Variants in KIF26B observed in about 807,000 individuals in gnomAD.
The protein encoded by KIF26B is kinesin-like protein KIF26B.
Under a neutral mutation model 151.2 loss-of-function variants are expected in KIF26B, and 63 were observed. The ratio of observed to expected loss-of-function variants is 0.42; its 90% CI spans 0.34 to 0.51. KIF26B has a LOEUF of 0.51. KIF26B is among the 20% of genes least tolerant of loss of function. KIF26B has a pLI of 0.07. For synonymous variants in KIF26B, 1,357 were observed against 1,262.1 expected (o/e 1.08, Z -1.59); for missense variants, 2,813 against 2,913.6 (o/e 0.97, Z 0.79).
chr1:245,173,758 C>T (rs552230030), intron 2 of KIF26B, among the ~76,000 whole-genome samples: 1 of 152,200 alleles, frequency 6.6e-6, no homozygotes, highest in Non-Finnish European at 1.5e-5. Context: ...GAGTCCCCCC[C>T]ACCTTTTTCT....
chr1:245,267,512 G>T (rs1041285659), intron 2 of KIF26B, among the ~76,000 whole-genome samples: 1 of 151,908 alleles, frequency 6.6e-6, no homozygotes, highest in Non-Finnish European at 1.5e-5. Context: ...TCTTATTTTG[G>T]TGTGTGCAGA....
At chr1:245,179,561 G>C (rs911030753) in intron 2 of KIF26B, among the ~76,000 whole-genome samples, 3 of 152,136 alleles carry the variant, frequency 2.0e-5, no homozygotes, top group Non-Finnish European at 4.4e-5. Context: ...GGAGGTGGAG[G>C]TTGCAGTGAG....
At chr1:245,235,231 T>G (rs1419150980) in intron 2 of KIF26B, among the ~76,000 whole-genome samples, 1 of 152,154 alleles carries the variant, frequency 6.6e-6, no homozygotes, top group Non-Finnish European at 1.5e-5. Context: ...TAATTAAAGG[T>G]AGGTGTCCTT....
At position 245,624,186 on chromosome 1, in the gene KIF26B, T is replaced by TGAAA. The variant is rs549046653; in HGVS notation, c.2098+12211_2098+12214dup. ...TCTCAGGTAGTTATTTATAGCAGTA[T>TGAAA]GAAAACAGTCTAATATATATATGGA... On this transcript the variant is annotated intron_variant, in intron 9 of 14. Coordinates refer to ENST00000407071, the MANE Select transcript of KIF26B (RefSeq NM_018012.4). 1.3e-4 allele frequency among the ~76,000 whole-genome samples: 20 copies of TGAAA among 152,056 alleles called. No homozygotes were observed. The South Asian group carries it at 3.9e-3, about 30-fold the overall frequency.
At chr1:245,217,256 G>A (rs1026690702) in intron 2 of KIF26B, among the ~76,000 whole-genome samples, 1 of 152,122 alleles carries the variant, frequency 6.6e-6, no homozygotes, top group African/African-American at 2.4e-5. Flanking sequence ...AACAGGAAAC[G>A]CCGTATTGAG....
At chr1:245,317,769 G>C (rs891049854) in intron 2 of KIF26B, among the ~76,000 whole-genome samples, 1 of 152,202 alleles carries the variant, frequency 6.6e-6, no homozygotes, top group African/African-American at 2.4e-5. Context: ...GGGTGTGCTG[G>C]GCGGGAAAGT....
chr1:245,406,476 G>A (rs1181473520), intron 3 of KIF26B, among the ~76,000 whole-genome samples: 2 of 152,188 alleles, frequency 1.3e-5, no homozygotes, highest in Non-Finnish European at 2.9e-5. Context: ...CTTAGGTGAA[G>A]AACTTGGACA....
chr1:245,401,012 C>A (rs1440254461), intron 3 of KIF26B, among the ~76,000 whole-genome samples: 1 of 152,106 alleles, frequency 6.6e-6, no homozygotes, highest in East Asian at 1.9e-4. Context: ...GTTTGGAGTT[C>A]ATTAAAGCTT....
intron 2 of KIF26B, among the ~76,000 whole-genome samples, chr1:245,308,210 C>T (rs180685401): frequency 3.7e-4 from 57 of 152,278 alleles, no homozygotes; most frequent in East Asian, 3.1e-3. Context: ...CTTGTCATCA[C>T]GCTCCTGGAA....
chr1:245,678,594 T>G lies in KIF26B; in HGVS notation c.2259-5639T>G, dbSNP rs553033432. 3.9e-5 allele frequency among the ~76,000 whole-genome samples: 6 copies of G among 152,226 alleles called. No individual in the cohort carries two copies. The East Asian group carries it at 7.7e-4, about 20-fold the overall frequency. On this transcript the variant is annotated intron_variant, in intron 10 of 14. Transcript: ENST00000407071. The stretch of plus-strand genomic sequence containing the variant: ...AAAAAGCAAGACAGGCCTGGCACAG[T>G]GGCTCACGCCTGTAATCCCAGCACT...
At chr1:245,446,297 A>G (rs1315890660) in intron 4 of KIF26B, among the ~76,000 whole-genome samples, 1 of 152,218 alleles carries the variant, frequency 6.6e-6, no homozygotes, top group Non-Finnish European at 1.5e-5. Context: ...ACAGTTGTGC[A>G]TGTGGTCTGT....
intron 2 of KIF26B, among the ~76,000 whole-genome samples, chr1:245,343,100 A>AG (rs397718229): frequency 2.0e-5 from 3 of 151,030 alleles, no homozygotes; most frequent in Non-Finnish European, 4.4e-5. Context: ...AAAAAAAAAA[A>AG]GAATTTAGAT....
intron 3 of KIF26B, chr1:245,371,302 C>G (rs1673116061): frequency 6.6e-6 from 1 of 152,394 alleles, no homozygotes. Context: ...TTGCGGACAT[C>G]TCCCTGCAGT....
intron 2 of KIF26B, among the ~76,000 whole-genome samples, chr1:245,308,638 G>A (rs1056166172): frequency 2.6e-5 from 4 of 152,136 alleles, no homozygotes; most frequent in Admixed American, 6.6e-5. Flanking sequence ...AGGCGGAGGC[G>A]GGAGGATCAC....
intron 5 of KIF26B, among the ~76,000 whole-genome samples, chr1:245,576,540 G>A (rs149583584): frequency 2.8e-4 from 43 of 152,306 alleles, no homozygotes; most frequent in African/African-American, 9.9e-4. Context: ...ATTGTCACAC[G>A]TCCTGGTGAG....
chr1:245,233,264 T>C (rs1033538266), intron 2 of KIF26B, among the ~76,000 whole-genome samples: 2 of 152,242 alleles, frequency 1.3e-5, no homozygotes, highest in African/African-American at 2.4e-5. Context: ...GTGTTACTCC[T>C]TAAGTTATAT....
intron 2 of KIF26B, among the ~76,000 whole-genome samples, chr1:245,162,117 A>G (rs879626691): frequency 5.3e-5 from 8 of 152,226 alleles, no homozygotes; most frequent in Non-Finnish European, 1.0e-4. Flanking sequence ...TCAGTGCCCC[A>G]TCGGCAGGGC....
At chr1:245,631,560 A>G (rs775771466) in intron 9 of KIF26B, among the ~76,000 whole-genome samples, 1 of 152,132 alleles carries the variant, frequency 6.6e-6, no homozygotes, top group Admixed American at 6.6e-5. Flanking sequence ...ATCTATGTTC[A>G]TCAGGGATAT....
In KIF26B at chr1:245,358,570, C is replaced by G. The variant is rs573341744; in HGVS notation, c.466-8264C>G. On this transcript the variant is annotated intron_variant, in intron 2 of 14. Transcript: ENST00000407071. This position sits in a 1 kb window ranked among gnomAD's most constrained non-coding sequence, Gnocchi z 4.1. ...AGCCAAGTACATTTATGCAGCATTT[C>G]ATGAATATGAAGTCAATTAAAAGAA... is the stretch of plus-strand genomic sequence containing the variant. 6.6e-6 allele frequency among the ~76,000 whole-genome samples: 1 copy of G among 152,284 alleles called. No homozygotes were observed. The highest frequency in any genetic ancestry group is 2.1e-4 in the South Asian group (1 of 4,824).
Sources: allele counts gnomAD v4.1 joint callset (sites outside exome capture counted in the v4.1 genomes callset), GRCh38; gene constraint gnomAD v4.1.1; non-coding constraint Gnocchi (gnomAD v3.1); transcripts MANE v1.5; gene names NCBI Gene and HGNC (gene_info 2026-07-23, HGNC 2026-07-21).